Variants in CSMD3 observed in about 807,000 individuals in gnomAD.
CSMD3 encodes CUB and sushi domain-containing protein 3.
A neutral mutation model predicts 435.2 loss-of-function variants in CSMD3; 177 were observed. That is an observed-to-expected ratio of 0.41 (90% CI 0.36 to 0.46). The LOEUF (loss-of-function observed/expected upper bound fraction) is 0.46, where lower values mean the gene tolerates loss of function less well. CSMD3 is among the 20% of genes least tolerant of loss of function. The pLI, the probability that CSMD3 is intolerant of heterozygous loss-of-function variation, is 0.34. For synonymous variants in CSMD3, 1,656 were observed against 1,520.5 expected, an observed-to-expected ratio of 1.09 and a Z score of -2.07; for missense variants, 4,265 against 4,504.6, an observed-to-expected ratio of 0.95 and a Z score of 1.52.
At chr8:113,274,607 A>G (rs1219521549) in intron 3 of CSMD3, among the ~76,000 whole-genome samples, 1 of 152,108 alleles carries the variant, frequency 6.6e-6, no homozygotes, top group Non-Finnish European at 1.5e-5. Context: ...TAGAGAGTGA[A>G]TAAGTAGAAC....
intron 13 of CSMD3, among the ~76,000 whole-genome samples, chr8:112,766,933 T>C (rs2077994379): frequency 6.6e-6 from 1 of 151,776 alleles, no homozygotes; most frequent in Non-Finnish European, 1.5e-5. Flanking sequence ...CTGAAACAAC[T>C]ACAAAATATA....
At chr8:112,514,886 AT>A (rs1413009628) in intron 28 of CSMD3, among the ~76,000 whole-genome samples, 4 of 151,798 alleles carry the variant, frequency 2.6e-5, no homozygotes, top group Non-Finnish European at 5.9e-5. Flanking sequence ...AGCCTTAGCA[AT>A]TTTTCAGACT....
chr8:112,777,075 C>T (rs1191311928), intron 13 of CSMD3, among the ~76,000 whole-genome samples: 1 of 151,660 alleles, frequency 6.6e-6, no homozygotes, highest in Non-Finnish European at 1.5e-5. Context: ...GAGGGTTATG[C>T]ATCATTTGTG....
At chr8:113,002,827 T>C (rs2085913881) in intron 6 of CSMD3, among the ~76,000 whole-genome samples, 1 of 152,180 alleles carries the variant, frequency 6.6e-6, no homozygotes, top group South Asian at 2.1e-4. Flanking sequence ...ACAATTGACC[T>C]TTGTGTTTTT....
intron 13 of CSMD3, among the ~76,000 whole-genome samples, chr8:112,755,190 G>A (rs1444571606): frequency 2.0e-5 from 3 of 151,954 alleles, no homozygotes; most frequent in African/African-American, 7.2e-5. Context: ...AATTAGCCGG[G>A]CGTGGTGGCG....
At chr8:113,276,260 G>T (rs1477702021) in intron 3 of CSMD3, among the ~76,000 whole-genome samples, 1 of 152,124 alleles carries the variant, frequency 6.6e-6, no homozygotes, top group Admixed American at 6.6e-5. Context: ...ATGATGCGGA[G>T]ATTAGCATTC....
intron 3 of CSMD3, among the ~76,000 whole-genome samples, chr8:113,222,616 T>C (rs1281145556): frequency 6.6e-6 from 1 of 151,152 alleles, no homozygotes; most frequent in Non-Finnish European, 1.5e-5. Context: ...TCTTATATGC[T>C]TGAGTTATTT....
intron 2 of CSMD3, among the ~76,000 whole-genome samples, chr8:113,282,665 A>T (rs968899113): frequency 1.3e-5 from 2 of 152,246 alleles, no homozygotes; most frequent in Middle Eastern, 3.4e-3. Context: ...TGCCAAAAGC[A>T]ATCTACAAAT....
chr8:113,321,437 C>G (rs117988440), intron 1 of CSMD3, among the ~76,000 whole-genome samples: 4,514 of 152,134 alleles, frequency 0.03, 88 homozygotes, highest in Admixed American at 0.04. Flanking sequence ...CACACATATA[C>G]ACCTGCTCAT....
intron 12 of CSMD3, among the ~76,000 whole-genome samples, chr8:112,821,524 A>G (rs561993621): frequency 4.8e-4 from 73 of 151,828 alleles, no homozygotes; most frequent in African/African-American, 1.7e-3. Flanking sequence ...AAACTTTTTT[A>G]AGTTCCTTGT....
Position 112,278,307 on chromosome 8 carries a change from G to A in CSMD3, c.9508+2867C>T, listed in dbSNP as rs554187641. ...TGCTAGTGTACTTACACTTTGAGAT[G>A]TGCTGATTTTGATGCATTTTCTGAG... On this transcript the variant is annotated intron_variant, in intron 59 of 70. Coordinates refer to ENST00000297405, the MANE Select transcript of CSMD3 (RefSeq NM_198123.2). Among the ~76,000 whole-genome samples, 22 of 152,284 alleles carry A rather than the reference G, an allele frequency of 1.4e-4. No homozygotes were observed. The South Asian group carries it at 4.6e-3, about 32-fold the overall frequency.
chr8:112,328,930 T>C (rs558002511), intron 45 of CSMD3, among the ~76,000 whole-genome samples: 1 of 152,318 alleles, frequency 6.6e-6, no homozygotes, highest in East Asian at 1.9e-4. Flanking sequence ...CAGTTCTTTA[T>C]AGCAGTGTGA....
chr8:112,336,877 A>C (rs1161766398), intron 43 of CSMD3, 48 bp from the exon 44 acceptor site: 1 of 1,478,214 alleles, frequency 6.8e-7, no homozygotes. Context: ...ATAACAATAA[A>C]CTGACTGTGG....
intron 4 of CSMD3, among the ~76,000 whole-genome samples, chr8:113,133,851 A>T (rs1023497428): frequency 6.6e-6 from 1 of 152,224 alleles, no homozygotes; most frequent in African/African-American, 2.4e-5. Context: ...AAATAGTCAA[A>T]TTAACAGAAA....
chr8:113,413,931 G>A (rs1056852198), intron 1 of CSMD3, among the ~76,000 whole-genome samples: 3 of 152,166 alleles, frequency 2.0e-5, no homozygotes, highest in African/African-American at 7.2e-5. Flanking sequence ...CAAGTGAAAG[G>A]AGAATGAAAA....
At chr8:113,284,058 T>C (rs991235242) in intron 2 of CSMD3, among the ~76,000 whole-genome samples, 1 of 152,080 alleles carries the variant, frequency 6.6e-6, no homozygotes, top group Non-Finnish European at 1.5e-5. Flanking sequence ...GGCTTAAGAA[T>C]GACACAATGA....
intron 8 of CSMD3, among the ~76,000 whole-genome samples, chr8:112,953,187 C>A (rs1238777061): frequency 1.3e-5 from 2 of 151,348 alleles, no homozygotes; most frequent in Admixed American, 1.3e-4. Context: ...ATATTGGCTA[C>A]ACAAAATATT....
intron 53 of CSMD3, among the ~76,000 whole-genome samples, chr8:112,299,931 A>T (rs1369827709): frequency 2.4e-4 from 37 of 151,846 alleles, no homozygotes; most frequent in Non-Finnish European, 4.4e-5. Context: ...CAGAGAACAG[A>T]ATCAAGATTC....
At chr8:113,066,705 C>T (rs947846536) in intron 5 of CSMD3, among the ~76,000 whole-genome samples, 8 of 151,944 alleles carry the variant, frequency 5.3e-5, no homozygotes, top group African/African-American at 1.9e-4. Context: ...AATCTGGTCT[C>T]ATTTATGACT....
Sources: gnomAD v4.1 joint callset for allele counts (sites outside exome capture counted in the v4.1 genomes callset) on GRCh38, gnomAD v4.1.1 for gene constraint, MANE v1.5 for transcripts, NCBI Gene and HGNC (gene_info 2026-07-23, HGNC 2026-07-21) for gene names.